The following GPNMB variants were observed in gnomAD, a reference collection of about 807,000 sequenced individuals.
The protein encoded by GPNMB is glycoprotein nmb, also known as transmembrane glycoprotein NMB.
A neutral mutation model predicts 57.3 loss-of-function variants in GPNMB; 71 were observed. The observed-to-expected ratio is 1.24, with a 90% CI of 1.02 to 1.51. The LOEUF (loss-of-function observed/expected upper bound fraction) is 1.51. GPNMB is among the 40% of genes most tolerant of loss of function. GPNMB has a pLI of 0.00. For synonymous variants in GPNMB, 253 were observed against 263.2 expected, an observed-to-expected ratio of 0.96 and a Z score of 0.38; for missense variants, 677 against 691.9, an observed-to-expected ratio of 0.98 and a Z score of 0.24.
intron 4 of GPNMB, chr7:23,257,962 A>AT (rs932659874): frequency 7.2e-5 from 11 of 152,242 alleles, no homozygotes; most frequent in African/African-American, 2.6e-4. Context: ...TGATGATATG[A>AT]TTTTTTTAAT....
intron 7 of GPNMB, 80 bp from the exon 8 acceptor site, chr7:23,267,806 T>C: frequency 1.0e-6 from 1 of 978,570 alleles, no homozygotes; most frequent in South Asian, 1.3e-5. Context: ...AAACATTCAA[T>C]CTATACCAGA....
chr7:23,272,877 T>C (rs1276388929), intron 9 of GPNMB, among the ~76,000 whole-genome samples: 1 of 146,896 alleles, frequency 6.8e-6, no homozygotes, highest in Non-Finnish European at 1.5e-5. Context: ...AAGGTCTTGC[T>C]CTGTCACCCA....
intron 3 of GPNMB, among the ~76,000 whole-genome samples, chr7:23,256,286 T>G (rs1782776747): frequency 6.6e-6 from 1 of 152,244 alleles, no homozygotes; most frequent in African/African-American, 2.4e-5. Context: ...ATTTTAGCAC[T>G]TTGTCATAAC....
At chr7:23,269,616 C>G (rs986169055) in intron 8 of GPNMB, among the ~76,000 whole-genome samples, 1 of 152,170 alleles carries the variant, frequency 6.6e-6, no homozygotes, top group African/African-American at 2.4e-5. Context: ...TGCCTAACAC[C>G]CAAGCTATCT....
chr7:23,270,125 A>G lies in GPNMB; in HGVS notation c.1379A>G (p.Asp460Gly). ...TACTGTGTGAACCTCACCCTGGGGG[A>G]TGACACAAGCCTGGCTCTCACGAGC... ...GTYCVNLTLG[D>G]DTSLALTSTL... The change falls in exon 9 of 11, where the codon GAT becomes GGT. Residue 460 changes from aspartate to glycine, a missense_variant. Physicochemically the swap from Asp to Gly is moderately conservative, Grantham distance 94 (BLOSUM62 -1). Coordinates refer to ENST00000258733, the MANE Select transcript of GPNMB (RefSeq NM_002510.3). 1 of 1,614,124 alleles carries G rather than the reference A, an allele frequency of 6.2e-7. No individual in the cohort carries two copies. Among genetic ancestry groups the G allele is most frequent in the South Asian group, 1.1e-5 (1 of 91,082 alleles).
intron 6 of GPNMB, among the ~76,000 whole-genome samples, chr7:23,264,593 T>G (rs1196307753): frequency 1.3e-5 from 2 of 152,072 alleles, no homozygotes; most frequent in Non-Finnish European, 2.9e-5. Flanking sequence ...CCCAGGTTGG[T>G]CTCGAACTCC....
intron 8 of GPNMB, 66 bp downstream of exon 8, chr7:23,268,054 C>T (rs368057634): frequency 3.3e-6 from 3 of 913,210 alleles, no homozygotes; most frequent in South Asian, 2.7e-5. Flanking sequence ...TGAACAAAGG[C>T]ATTGACCACC....
intron 9 of GPNMB, among the ~76,000 whole-genome samples, chr7:23,272,485 AAAAGAGAGAGAG>A (rs1292632190): frequency 1.3e-5 from 2 of 151,670 alleles, no homozygotes; most frequent in African/African-American, 4.9e-5. Context: ...AAGAGAGAGA[AAAAGAGAGAGAG>A]AAAGAGAGAG....
chr7:23,257,706 A>T (rs775481772), intron 4 of GPNMB: 1 of 152,332 alleles, frequency 6.6e-6, no homozygotes, highest in African/African-American at 2.4e-5. Flanking sequence ...ACAGAATGGC[A>T]CATTGATGAG....
At chr7:23,251,162 C>T (rs193263842) in intron 1 of GPNMB, among the ~76,000 whole-genome samples, 1 of 152,290 alleles carries the variant, frequency 6.6e-6, no homozygotes, top group Non-Finnish European at 1.5e-5. Flanking sequence ...ATGACTCCGA[C>T]TTTGCTGCTC....
intron 6 of GPNMB, among the ~76,000 whole-genome samples, chr7:23,262,609 T>TTCTC (rs1782953128): frequency 5.0e-4 from 2 of 4,024 alleles, no homozygotes; most frequent in Non-Finnish European, 9.1e-4. Flanking sequence ...CACCATTCTC[T>TTCTC]TTTTTTTTTT....
At chr7:23,261,427 T>C (rs781621249) in intron 6 of GPNMB, among the ~76,000 whole-genome samples, 1 of 152,210 alleles carries the variant, frequency 6.6e-6, no homozygotes, top group Admixed American at 6.5e-5. Context: ...GTGGCACATA[T>C]ACACCATAGA....
rs539321702 is a variant in GPNMB at position 23,257,951 on chromosome 7, TTGA to T, written c.541+891_541+893del. 2.4e-4 allele frequency: 36 copies of T among 152,348 alleles called. No homozygotes were observed. The East Asian group carries it at 5.6e-3, about 24-fold the overall frequency. 9.4% of individuals were successfully genotyped at this position (152,348 alleles called of 1,614,324 possible). A position where few individuals can be genotyped will look rare whatever the true frequency, so the allele number is the denominator to read the frequency against. On this transcript the variant is annotated intron_variant, in intron 4 of 10. Transcript: ENST00000258733. ...CATTTTTGCTTACTATCATTAGCAT[TTGA>T]TGATATGATTTTTTTAATTTTTATA...
chr7:23,252,550 C>A (rs1388475229), intron 1 of GPNMB, among the ~76,000 whole-genome samples: 2 of 152,166 alleles, frequency 1.3e-5, no homozygotes, highest in Non-Finnish European at 1.5e-5. Flanking sequence ...GTCAGTTCAT[C>A]AAGAAGCTGT....
At position 23,260,445 on chromosome 7, in the gene GPNMB, G is replaced by T. The variant is rs373945738; in HGVS notation, c.701-11G>T. 2 of 1,590,328 alleles carry T rather than the reference G, an allele frequency of 1.3e-6. No homozygotes were observed. The highest frequency in any genetic ancestry group is 2.3e-5 in the South Asian group (2 of 88,524). On this transcript the variant is annotated splice_polypyrimidine_tract_variant and intron_variant, in intron 5 of 10. Transcript: ENST00000258733. ...TGCATTCTTTATTTCTTTGGGGGAT[G>T]TATCTTTTAGATCAGATTCCTGTGT...
Position 23,273,603 on chromosome 7 carries a change from C to T in GPNMB, c.1512C>T (p.Leu504=). Residue 504 remains leucine (L), a synonymous_variant, in exon 10 of 11, where the codon CTC becomes CTT. Coordinates refer to ENST00000258733, the MANE Select transcript of GPNMB (RefSeq NM_002510.3). The part of the protein sequence containing the change: ...CLAIFVTVIS[L]LVYKKHKEYN... ...CCATATTTGTCACTGTGATCTCCCT[C>T]TTGGTGTACAAGTAAGTTTTTGGTT... 6.2e-7 allele frequency: 1 copy of T among 1,607,646 alleles called. No homozygotes were observed. The highest frequency in any genetic ancestry group is 1.7e-5 in the Admixed American group (1 of 60,002).
intron 6 of GPNMB, among the ~76,000 whole-genome samples, chr7:23,262,756 C>G (rs1782958212): frequency 6.6e-6 from 1 of 151,556 alleles, no homozygotes; most frequent in African/African-American, 2.4e-5. Flanking sequence ...GTGGCTGTGG[C>G]TACAGGCATA....
chr7:23,262,274 A>G (rs969937294), intron 6 of GPNMB, among the ~76,000 whole-genome samples: 3 of 152,240 alleles, frequency 2.0e-5, no homozygotes, highest in Non-Finnish European at 2.9e-5. Flanking sequence ...AATTAAAACA[A>G]TGTAGATGTC....
chr7:23,251,008 C>A (rs1583813299), intron 1 of GPNMB: 2 of 152,306 alleles, frequency 1.3e-5, no homozygotes, highest in African/African-American at 4.8e-5. Flanking sequence ...CCTCCCCTCA[C>A]TTAATGTCTA....
Sources: allele counts gnomAD v4.1 joint callset (sites outside exome capture counted in the v4.1 genomes callset), GRCh38; gene constraint gnomAD v4.1.1; transcripts MANE v1.5; gene names NCBI Gene and HGNC (gene_info 2026-07-23, HGNC 2026-07-21).